Variants in DMD observed in about 807,000 individuals in gnomAD.
DMD encodes the protein mutant dystrophin.
Under a neutral mutation model 330.1 loss-of-function variants are expected in DMD, and 63 were observed. The observed-to-expected ratio is 0.19, with a 90% confidence interval of 0.16 to 0.24. DMD has a LOEUF of 0.24. Ranked by LOEUF, DMD falls within the 10% of genes least tolerant of loss-of-function variation. DMD has a pLI of 1.00. For missense variants in DMD, 3,344 were observed against 2,684.1 expected (o/e 1.25, Z -5.43); for synonymous variants, 1,223 against 959.8 (o/e 1.27, Z -5.07).
intron 1 of DMD, among the ~76,000 whole-genome samples, chrX:33,299,266 C>T (rs999032560): frequency 2.7e-5 from 3 of 110,275 alleles, no homozygotes; most frequent in Non-Finnish European, 3.8e-5. Flanking sequence ...AGGTAAAAAC[C>T]CTGACTTTTT....
chrX:32,212,414 GTAAT>G (rs2147826775), intron 44 of DMD, among the ~76,000 whole-genome samples: 1 of 111,828 alleles, frequency 8.9e-6, no homozygotes, highest in African/African-American at 3.2e-5. Context: ...CATTTAATGA[GTAAT>G]TATTTTGTGC....
At chrX:31,778,439 C>G (rs1221920161) in intron 50 of DMD, among the ~76,000 whole-genome samples, 1 of 111,280 alleles carries the variant, frequency 9.0e-6, no homozygotes, top group Non-Finnish European at 1.9e-5. Context: ...CATTTCTGTT[C>G]AGAAAAACAT....
intron 29 of DMD, among the ~76,000 whole-genome samples, chrX:32,423,875 A>C (rs1250003671): frequency 9.0e-6 from 1 of 110,995 alleles, no homozygotes; most frequent in Admixed American, 9.6e-5. Context: ...AAGGTAACTC[A>C]CACAATTGAT....
intron 45 of DMD, among the ~76,000 whole-genome samples, chrX:31,966,185 C>T (rs187324043): frequency 9.7e-4 from 108 of 110,913 alleles, no homozygotes; most frequent in South Asian, 7.4e-4. Flanking sequence ...CATCTGCTTG[C>T]GTTGCACTGA....
chrX:31,496,100 G>A (rs369096405), intron 57 of DMD, among the ~76,000 whole-genome samples: 6 of 111,841 alleles, frequency 5.4e-5, no homozygotes, highest in African/African-American at 1.6e-4. Flanking sequence ...GAAAGATACA[G>A]GGAAACTATT....
intron 1 of DMD, among the ~76,000 whole-genome samples, chrX:33,083,981 C>A (rs760877083): frequency 1.8e-5 from 2 of 111,393 alleles, no homozygotes; most frequent in Non-Finnish European, 3.8e-5. Flanking sequence ...CTAGGATACT[C>A]ACCAATCCAG....
At chrX:33,327,494 C>T (rs967835968) in intron 1 of DMD, among the ~76,000 whole-genome samples, 4 of 111,107 alleles carry the variant, frequency 3.6e-5, no homozygotes, top group Non-Finnish European at 7.6e-5. Flanking sequence ...TCACCTAATC[C>T]GTATTTAGGT....
chrX:32,124,291 C>G (rs1706556774), intron 44 of DMD, among the ~76,000 whole-genome samples: 1 of 112,291 alleles, frequency 8.9e-6, no homozygotes, highest in Non-Finnish European at 1.9e-5. Flanking sequence ...TTAATTTATT[C>G]TAAATCACAC....
chrX:32,051,494 CCTA>C (rs1168722574), intron 44 of DMD, among the ~76,000 whole-genome samples: 1 of 109,068 alleles, frequency 9.2e-6, no homozygotes, highest in Non-Finnish European at 1.9e-5. Context: ...CTAAAAATGG[CCTA>C]CTTTTTATGA....
chrX:32,007,129 C>T (rs12013317), intron 44 of DMD, among the ~76,000 whole-genome samples: 8,757 of 100,664 alleles, frequency 0.087, 615 homozygotes, highest in African/African-American at 0.21. Context: ...AAATGATGAG[C>T]TAATGGGTGC....
intron 57 of DMD, among the ~76,000 whole-genome samples, chrX:31,488,125 T>C (rs907652810): frequency 2.7e-5 from 3 of 111,603 alleles, no homozygotes; most frequent in African/African-American, 9.8e-5. Flanking sequence ...TGAACAGCTG[T>C]TTGACTCTTA....
intron 44 of DMD, among the ~76,000 whole-genome samples, chrX:32,173,522 G>A (rs781116753): frequency 7.3e-5 from 8 of 109,364 alleles, no homozygotes; most frequent in Non-Finnish European, 1.5e-4. Flanking sequence ...ACAGGCATGC[G>A]CTGCCATGCA....
intron 1 of DMD, among the ~76,000 whole-genome samples, chrX:33,076,673 CT>C (rs1029648296): frequency 8.9e-6 from 1 of 111,775 alleles, no homozygotes; most frequent in Non-Finnish European, 1.9e-5. Flanking sequence ...GAAGCTAAGG[CT>C]TTTGGTTATG....
At chrX:31,511,754 T>A in intron 55 of DMD, among the ~76,000 whole-genome samples, 1 of 107,413 alleles carries the variant, frequency 9.3e-6, no homozygotes, top group Non-Finnish European at 1.9e-5. Context: ...TTGGGTTGGT[T>A]CCAAGTCTTT....
intron 44 of DMD, among the ~76,000 whole-genome samples, chrX:32,087,089 T>C (rs371120233): frequency 5.4e-5 from 6 of 111,826 alleles, no homozygotes; most frequent in African/African-American, 1.6e-4. Flanking sequence ...CCCTTTCTAA[T>C]GACTAGGAAA....
At chrX:31,901,786 C>T (rs1847558949) in intron 47 of DMD, among the ~76,000 whole-genome samples, 4 of 110,905 alleles carry the variant, frequency 3.6e-5, no homozygotes, top group Middle Eastern at 4.3e-3. Flanking sequence ...TTCCATGATC[C>T]TAGTGACTTT....
chrX:31,122,517 G>T (rs1180245079), intron 78 of DMD, among the ~76,000 whole-genome samples: 1 of 111,340 alleles, frequency 9.0e-6, no homozygotes, highest in Non-Finnish European at 1.9e-5. Flanking sequence ...TGAGGCTATG[G>T]TGGAGGTGGC....
chrX:32,183,569 T>A (rs865882218), intron 44 of DMD, among the ~76,000 whole-genome samples: 41 of 59,358 alleles, frequency 6.9e-4, no homozygotes, highest in Middle Eastern at 8.4e-3. Context: ...TATATATATA[T>A]AAATATATAT....
chrX:31,483,107 C>T (rs910612490), intron 57 of DMD, among the ~76,000 whole-genome samples: 89 of 92,822 alleles, frequency 9.6e-4, no homozygotes, highest in African/African-American at 2.7e-3. Flanking sequence ...AGTGCAGTGG[C>T]GCAATCTCGG....
Sources: allele counts gnomAD v4.1 joint callset (sites outside exome capture counted in the v4.1 genomes callset), GRCh38; gene constraint gnomAD v4.1.1; transcripts MANE v1.5; gene names NCBI Gene and HGNC (gene_info 2026-07-23, HGNC 2026-07-21).